TRDN: variants seen among roughly 807,000 people sequenced by gnomAD.
The protein encoded by TRDN is triadin.
TRDN carries 161 observed loss-of-function variants against 149.7 expected under a neutral mutation model. The observed-to-expected ratio is 1.08, with a 90% CI of 0.95 to 1.23. TRDN has a LOEUF of 1.23. TRDN is among the 50% of genes most tolerant of loss of function. The pLI is 0.00. For synonymous variants in TRDN, 294 were observed against 250.5 expected (o/e 1.17, Z -1.64); for missense variants, 896 against 823.5 (o/e 1.09, Z -1.08).
chr6:123,411,457 G>C (rs529737207), intron 12 of TRDN, among the ~76,000 whole-genome samples: 2 of 152,238 alleles, frequency 1.3e-5, no homozygotes, highest in African/African-American at 4.8e-5. Context: ...GAAGAGAACT[G>C]AATTGCTTTG....
chr6:123,625,187 T>C (rs1307903964), intron 1 of TRDN, among the ~76,000 whole-genome samples: 1 of 152,008 alleles, frequency 6.6e-6, no homozygotes, highest in African/African-American at 2.4e-5. Flanking sequence ...GTGTTAAGAA[T>C]AGGACATTCT....
intron 2 of TRDN, among the ~76,000 whole-genome samples, chr6:123,563,714 C>A (rs1172645433): frequency 6.6e-6 from 1 of 152,188 alleles, no homozygotes; most frequent in Non-Finnish European, 1.5e-5. Context: ...AGAGATAATA[C>A]AGCAATTAAC....
intron 8 of TRDN, chr6:123,503,295 A>G: frequency 4.1e-6 from 4 of 985,234 alleles, no homozygotes; most frequent in Non-Finnish European, 4.8e-6. Flanking sequence ...TATGATATTT[A>G]CTCTATATGA....
chr6:123,413,736 T>C (rs1467281658), intron 12 of TRDN, among the ~76,000 whole-genome samples: 2 of 152,124 alleles, frequency 1.3e-5, no homozygotes, highest in Non-Finnish European at 2.9e-5. Flanking sequence ...ACAAATTTCA[T>C]TGGCTTTGAA....
intron 5 of TRDN, among the ~76,000 whole-genome samples, chr6:123,526,265 T>C (rs1779943633): frequency 6.6e-6 from 1 of 151,942 alleles, no homozygotes; most frequent in Non-Finnish European, 1.5e-5. Context: ...CACAGACTGA[T>C]GGGAAGAGAA....
At chr6:123,505,752 T>A (rs901956395) in intron 7 of TRDN, among the ~76,000 whole-genome samples, 5 of 151,954 alleles carry the variant, frequency 3.3e-5, no homozygotes, top group African/African-American at 1.2e-4. Flanking sequence ...CAGGCTGTAG[T>A]GCAGTGGCAC....
intron 19 of TRDN, among the ~76,000 whole-genome samples, chr6:123,369,647 T>C (rs1324048367): frequency 1.3e-5 from 2 of 152,186 alleles, no homozygotes; most frequent in Admixed American, 1.3e-4. Context: ...AGTAAGCTGC[T>C]GTTGAGAAAT....
chr6:123,249,239 A>G (rs1464890841), intron 38 of TRDN, among the ~76,000 whole-genome samples: 2 of 152,132 alleles, frequency 1.3e-5, no homozygotes, highest in African/African-American at 2.4e-5. Flanking sequence ...ATAAGATACT[A>G]TCTTACACCA....
intron 1 of TRDN, among the ~76,000 whole-genome samples, chr6:123,585,635 C>G (rs555505606): frequency 2.0e-5 from 3 of 152,206 alleles, no homozygotes; most frequent in African/African-American, 7.2e-5. Context: ...GAGTGGCTGC[C>G]GGGTGAGTTG....
At chr6:123,632,966 C>A (rs937917510) in intron 1 of TRDN, among the ~76,000 whole-genome samples, 5 of 151,676 alleles carry the variant, frequency 3.3e-5, no homozygotes, top group Non-Finnish European at 7.4e-5. Flanking sequence ...TTTTGAATAT[C>A]AAATCTTCTC....
intron 38 of TRDN, among the ~76,000 whole-genome samples, chr6:123,244,205 C>A (rs1776093546): frequency 6.6e-6 from 1 of 151,172 alleles, no homozygotes; most frequent in Non-Finnish European, 1.5e-5. Context: ...AGGATCACAA[C>A]TCCTCGCCAG....
In TRDN at chr6:123,260,641, TTAG is replaced by T. The variant is rs2114588768; in HGVS notation, c.1805-6_1805-4del. 2 of 1,230,952 alleles carry T rather than the reference TTAG, an allele frequency of 1.6e-6. No homozygotes were observed. The highest frequency in any genetic ancestry group is 1.0e-6 in the Non-Finnish European group (1 of 973,062). 76.3% of individuals were successfully genotyped at this position (1,230,952 alleles called of 1,614,324 possible). On this transcript the variant is annotated splice_polypyrimidine_tract_variant and splice_region_variant and intron_variant, in intron 33 of 40. Transcript: ENST00000334268. ...TTCTGTGACTTCTGATGTTCCTTCT[TTAG>T]AAAAAAAAAAAAAAAGAATGTAGAA...
intron 7 of TRDN, among the ~76,000 whole-genome samples, chr6:123,512,074 C>T (rs888252937): frequency 6.7e-6 from 1 of 148,474 alleles, no homozygotes; most frequent in Non-Finnish European, 1.5e-5. Context: ...GCTCAAAATT[C>T]TGTCTACCAC....
At chr6:123,326,983 T>C (rs1005576178) in intron 23 of TRDN, among the ~76,000 whole-genome samples, 4 of 152,134 alleles carry the variant, frequency 2.6e-5, no homozygotes, top group Admixed American at 1.3e-4. Flanking sequence ...GAAATTCTAC[T>C]GTAACCAAAA....
chr6:123,352,272 A>C (rs2114298133), intron 21 of TRDN: 1 of 985,060 alleles, frequency 1.0e-6, no homozygotes, highest in South Asian at 4.7e-5. Context: ...TATTCCCAGC[A>C]ATCTTCAGCA....
At chr6:123,626,810 T>C in intron 1 of TRDN, among the ~76,000 whole-genome samples, 1 of 151,990 alleles carries the variant, frequency 6.6e-6, no homozygotes, top group Non-Finnish European at 1.5e-5. Context: ...TCTAGAATGG[T>C]GAATTCTTGA....
chr6:123,237,392 G>A (rs1268582412), intron 38 of TRDN, among the ~76,000 whole-genome samples: 1 of 152,034 alleles, frequency 6.6e-6, no homozygotes, highest in Non-Finnish European at 1.5e-5. Flanking sequence ...TGGGACTACA[G>A]GTAAGTGCCA....
intron 1 of TRDN, among the ~76,000 whole-genome samples, chr6:123,616,157 C>T (rs1785071865): frequency 6.6e-6 from 1 of 152,036 alleles, no homozygotes; most frequent in Admixed American, 6.6e-5. Context: ...TTGAGACCAG[C>T]CTTGGCAACA....
At position 123,582,348 on chromosome 6, in the gene TRDN, G is replaced by C. The variant is rs574876143; in HGVS notation, c.23-11216C>G. The stretch of plus-strand genomic sequence containing the variant: ...GGAGTTATGGATTTCATGCGCGTCC[G>C]TGTGAAGAGACCACCAAACAGGCTT... On this transcript the variant is annotated intron_variant, in intron 1 of 40. Transcript: ENST00000334268. 8.5e-5 allele frequency among the ~76,000 whole-genome samples: 13 copies of C among 152,208 alleles called. No individual in the cohort carries two copies. In the East Asian group the frequency reaches 1.4e-3, roughly 16 times the overall value.
Sources: gnomAD v4.1 joint callset for allele counts (sites outside exome capture counted in the v4.1 genomes callset) on GRCh38, gnomAD v4.1.1 for gene constraint, MANE v1.5 for transcripts, NCBI Gene and HGNC (gene_info 2026-07-23, HGNC 2026-07-21) for gene names.